RAB19: variants seen among roughly 807,000 people sequenced by gnomAD.
The protein encoded by RAB19 is RAB19, member RAS oncogene family.
In RAB19, 21 loss-of-function variants were observed where a neutral mutation model predicts 17.3. The ratio of observed to expected loss-of-function variants is 1.21; its 90% CI spans 0.86 to 1.74. The LOEUF (loss-of-function observed/expected upper bound fraction) is 1.74, where lower values mean the gene tolerates loss of function less well. RAB19 is among the 40% of genes most tolerant of loss of function. RAB19 has a pLI of 0.00. For synonymous variants in RAB19, 126 were observed against 110.4 expected, an observed-to-expected ratio of 1.14 and a Z score of -0.88; for missense variants, 277 against 286.8, an observed-to-expected ratio of 0.97 and a Z score of 0.25.
chr7:140,407,880 C>CTTTTTT (rs71170993), intron 2 of RAB19, 33 bp downstream of exon 2: 22 of 639,580 alleles, frequency 3.4e-5, no homozygotes, highest in South Asian at 1.2e-4. Context: ...CTGGTTCCAC[C>CTTTTTT]TTTTTTTTTT....
At chr7:140,415,512 T>C (rs1040181948) in intron 3 of RAB19, among the ~76,000 whole-genome samples, 8 of 152,144 alleles carry the variant, frequency 5.3e-5, no homozygotes, top group African/African-American at 1.9e-4. Flanking sequence ...GGGCCAAATA[T>C]TTCAGAGTTC....
At chr7:140,424,086 C>A (rs1476318257) in intron 3 of RAB19, among the ~76,000 whole-genome samples, 2 of 151,528 alleles carry the variant, frequency 1.3e-5, no homozygotes, top group Non-Finnish European at 2.9e-5. Context: ...AATTCCTGAC[C>A]TCAGGTGATC....
chr7:140,415,642 A>C (rs113532376), intron 3 of RAB19, among the ~76,000 whole-genome samples: 1,574 of 152,308 alleles, frequency 0.01, 29 homozygotes, highest in East Asian at 0.032. Context: ...GTAAATAGTC[A>C]TACAGAGCAG....
rs1799321332 is a variant in RAB19, at chr7:140,409,969, G to A, written c.202-1905G>A. Among the ~76,000 whole-genome samples the A allele has an allele frequency of 2.1e-5, 3 of 144,628 alleles. No individual in the cohort carries two copies. In the South Asian group the frequency reaches 6.6e-4, roughly 32 times the overall value. 94.9% of individuals were successfully genotyped at this position (144,628 alleles called of 152,430 possible). ...GATCATACCACTGCACTCCAGCCTG[G>A]GCAACAGAGCGAGACTCCGTCTCAA... On this transcript the variant is annotated intron_variant, in intron 2 of 3. Transcript: ENST00000537763.
At chr7:140,420,675 T>C (rs57031981) in intron 3 of RAB19, among the ~76,000 whole-genome samples, 39,949 of 151,824 alleles carry the variant, frequency 0.26, 5,371 homozygotes, top group Non-Finnish European at 0.3. Context: ...CCTCATGGTA[T>C]GGGGGATGGG....
At chr7:140,419,909 G>A (rs1038495337) in intron 3 of RAB19, among the ~76,000 whole-genome samples, 2 of 152,180 alleles carry the variant, frequency 1.3e-5, no homozygotes, top group Non-Finnish European at 2.9e-5. Context: ...CTTTTCAGGT[G>A]TTTGTTAGCT....
intron 2 of RAB19, chr7:140,411,016 A>G (rs1240104391): frequency 1.5e-6 from 2 of 1,367,702 alleles, no homozygotes; most frequent in African/African-American, 3.0e-5. Context: ...ATTCAGATCC[A>G]CGGGCAGACT....
At chr7:140,425,852 A>T in intron 3 of RAB19, 30 bp from the exon 4 acceptor site, 1 of 1,580,586 alleles carries the variant, frequency 6.3e-7, no homozygotes, top group Non-Finnish European at 8.6e-7. Context: ...AAGTTACTCA[A>T]TGGAATATCG....
intron 1 of RAB19, among the ~76,000 whole-genome samples, chr7:140,405,202 G>A (rs1020036698): frequency 8.6e-6 from 1 of 116,826 alleles, no homozygotes; most frequent in African/African-American, 3.4e-5. Context: ...GAGGTTTTTG[G>A]TTTTGTGTTT....
intron 3 of RAB19, among the ~76,000 whole-genome samples, chr7:140,413,146 C>T (rs1267350774): frequency 6.6e-6 from 1 of 152,044 alleles, no homozygotes; most frequent in East Asian, 1.9e-4. Flanking sequence ...ACTGTCCTTT[C>T]GCCAACATAT....
At chr7:140,425,735 A>G in intron 3 of RAB19, 147 bp from the exon 4 acceptor site, 1 of 877,864 alleles carries the variant, frequency 1.1e-6, no homozygotes, top group Admixed American at 2.4e-5. Context: ...AAAAAAAAAA[A>G]GAAACAAAAA....
chr7:140,414,758 C>A (rs1335265393), intron 3 of RAB19, among the ~76,000 whole-genome samples: 1 of 152,156 alleles, frequency 6.6e-6, no homozygotes, highest in Non-Finnish European at 1.5e-5. Flanking sequence ...GTGCTTCTTT[C>A]TGTCTCAGAA....
intron 3 of RAB19, among the ~76,000 whole-genome samples, chr7:140,412,323 G>A (rs1799381670): frequency 6.6e-6 from 1 of 151,940 alleles, no homozygotes; most frequent in Admixed American, 6.6e-5. Context: ...GTAGTGGTGG[G>A]CGCCTGTAGT....
At chr7:140,425,501 G>A (rs987486552) in intron 3 of RAB19, among the ~76,000 whole-genome samples, 1 of 151,956 alleles carries the variant, frequency 6.6e-6, no homozygotes, top group Admixed American at 6.6e-5. Flanking sequence ...CGAAGCAGGC[G>A]ATCACCTGAG....
At chr7:140,417,906 G>C (rs1442772100) in intron 3 of RAB19, among the ~76,000 whole-genome samples, 1 of 152,160 alleles carries the variant, frequency 6.6e-6, no homozygotes, top group African/African-American at 2.4e-5. Context: ...GGCCTGCCCA[G>C]CTAGTCCAGA....
At chr7:140,416,709 C>T (rs1799464085) in intron 3 of RAB19, among the ~76,000 whole-genome samples, 1 of 152,182 alleles carries the variant, frequency 6.6e-6, no homozygotes, top group Non-Finnish European at 1.5e-5. Context: ...GAGTGTGCAG[C>T]CCTGGCTGTT....
At chr7:140,407,514 A>T in intron 1 of RAB19, 110 bp from the exon 2 acceptor site, 1 of 713,696 alleles carries the variant, frequency 1.4e-6, no homozygotes, top group Non-Finnish European at 2.4e-6. Context: ...TAGCATCATT[A>T]GCATCGTCCT....
At chr7:140,411,654 C>A (rs534246441) in intron 2 of RAB19, among the ~76,000 whole-genome samples, 1 of 152,232 alleles carries the variant, frequency 6.6e-6, no homozygotes, top group South Asian at 2.1e-4. Context: ...GCGGGTTGGA[C>A]AAGCTTGTCT....
intron 3 of RAB19, among the ~76,000 whole-genome samples, chr7:140,424,107 G>A (rs1016439125): frequency 1.1e-4 from 16 of 151,300 alleles, no homozygotes; most frequent in Middle Eastern, 3.5e-3. Flanking sequence ...CACCCGCCTC[G>A]GCTTCCCACA....
Sources: gnomAD v4.1 joint callset for allele counts (sites outside exome capture counted in the v4.1 genomes callset) on GRCh38, gnomAD v4.1.1 for gene constraint, MANE v1.5 for transcripts, NCBI Gene and HGNC (gene_info 2026-07-23, HGNC 2026-07-21) for gene names.